Variants in TYR observed in about 807,000 individuals in gnomAD.
TYR encodes the protein tyrosinase.
Under a neutral mutation model 51.5 loss-of-function variants are expected in TYR, and 58 were observed. That is an observed-to-expected ratio of 1.13 (90% CI 0.91 to 1.40). TYR has a LOEUF of 1.40. Ranked by LOEUF, TYR falls within the 40% of genes most tolerant of loss-of-function variation. The pLI is 0.00. For synonymous variants in TYR, 263 were observed against 235.2 expected (o/e 1.12, Z -1.08); for missense variants, 732 against 647.4 (o/e 1.13, Z -1.42).
intron 1 of TYR, among the ~76,000 whole-genome samples, chr11:89,180,238 T>C (rs954972043): frequency 6.6e-6 from 1 of 152,318 alleles, no homozygotes; most frequent in South Asian, 2.1e-4. Context: ...CTAGCTCTTA[T>C]ATCCTCTGTT....
At chr11:89,200,836 T>C (rs1231920714) in intron 2 of TYR, among the ~76,000 whole-genome samples, 1 of 152,136 alleles carries the variant, frequency 6.6e-6, no homozygotes, top group Non-Finnish European at 1.5e-5. Context: ...TTCAGATAAT[T>C]GTAGATCCTT....
intron 4 of TYR, among the ~76,000 whole-genome samples, chr11:89,285,470 TTAA>T (rs1944773885): frequency 6.6e-6 from 1 of 151,760 alleles, no homozygotes; most frequent in Non-Finnish European, 1.5e-5. Context: ...TTAAGTGTAG[TTAA>T]TAATAATAGC....
chr11:89,272,767 C>G (rs1252983362), intron 3 of TYR, among the ~76,000 whole-genome samples: 1 of 151,910 alleles, frequency 6.6e-6, no homozygotes, highest in Non-Finnish European at 1.5e-5. Context: ...TTAACAAGAT[C>G]TTCTGGTTAA....
At chr11:89,249,621 G>A (rs1944308299) in intron 3 of TYR, among the ~76,000 whole-genome samples, 2 of 152,070 alleles carry the variant, frequency 1.3e-5, no homozygotes, top group African/African-American at 4.8e-5. Context: ...TGGAAGCTTC[G>A]GGAGCCAGAC....
intron 3 of TYR, among the ~76,000 whole-genome samples, chr11:89,259,470 A>G (rs1164995255): frequency 6.6e-6 from 1 of 152,138 alleles, no homozygotes; most frequent in Non-Finnish European, 1.5e-5. Flanking sequence ...TCTGAACAAT[A>G]GATCTTACGC....
chr11:89,179,552 CAA>C (rs56159338), intron 1 of TYR, among the ~76,000 whole-genome samples: 7 of 149,566 alleles, frequency 4.7e-5, no homozygotes, highest in Non-Finnish European at 8.9e-5. Flanking sequence ...TAATAAGCAG[CAA>C]AAAAAAAATC....
rs188939133 is a variant in TYR, at chr11:89,233,421, C to T, written c.1184+5451C>T. On this transcript the variant is annotated intron_variant, in intron 3 of 4. Coordinates refer to ENST00000263321, the MANE Select transcript of TYR (RefSeq NM_000372.5). ...TCAACTTCTTCCATACTCCTATTAA[C>T]GTTAATATTTTGTTCTCCTTCCATG... 5.8e-5 allele frequency among the ~76,000 whole-genome samples: 8 copies of T among 138,930 alleles called. 1 individual carries two copies. The highest frequency in any genetic ancestry group is 7.6e-5 in the Non-Finnish European group (5 of 65,546). The allele number at this position is 138,930 out of a possible 152,430, so 91.1% of individuals were successfully genotyped here. A position where few individuals can be genotyped will look rare whatever the true frequency, so the allele number is the denominator to read the frequency against.
intron 2 of TYR, among the ~76,000 whole-genome samples, chr11:89,208,566 C>G (rs995227374): frequency 6.6e-6 from 1 of 152,124 alleles, no homozygotes; most frequent in African/African-American, 2.4e-5. Context: ...GCTATTATCA[C>G]TTTGTTTTCT....
chr11:89,279,991 A>G (rs557079069), intron 3 of TYR, among the ~76,000 whole-genome samples: 1 of 151,670 alleles, frequency 6.6e-6, no homozygotes, highest in Non-Finnish European at 1.5e-5. Flanking sequence ...ATATCTGTAC[A>G]GACTCCTCTA....
intron 2 of TYR, among the ~76,000 whole-genome samples, chr11:89,194,502 C>G (rs1428742284): frequency 7.5e-6 from 1 of 133,238 alleles, no homozygotes; most frequent in East Asian, 2.3e-4. Flanking sequence ...CATTTTAAGA[C>G]TATGCAAATA....
At chr11:89,212,561 C>T (rs902454466) in intron 2 of TYR, among the ~76,000 whole-genome samples, 3 of 146,320 alleles carry the variant, frequency 2.1e-5, no homozygotes, top group African/African-American at 7.9e-5. Context: ...AATAGAAAAA[C>T]AGGGAATCCT....
At chr11:89,182,764 C>T (rs1310341443) in intron 1 of TYR, among the ~76,000 whole-genome samples, 2 of 151,966 alleles carry the variant, frequency 1.3e-5, no homozygotes, top group East Asian at 1.9e-4. Flanking sequence ...GTACAAACTA[C>T]CCATGCTCAA....
At chr11:89,190,489 AT>A (rs1943428407) in intron 1 of TYR, among the ~76,000 whole-genome samples, 1 of 152,164 alleles carries the variant, frequency 6.6e-6, no homozygotes, top group Admixed American at 6.6e-5. Context: ...TATAATAAAT[AT>A]TTCCTACAGT....
At chr11:89,230,046 A>G (rs1033323558) in intron 3 of TYR, among the ~76,000 whole-genome samples, 2 of 152,132 alleles carry the variant, frequency 1.3e-5, no homozygotes, top group Non-Finnish European at 2.9e-5. Context: ...ACAGTCTTCA[A>G]ATTCATACGG....
rs375971364 is a variant in TYR at position 89,191,222 on chromosome 11, G to A, written c.840G>A (p.Glu280=). The A allele has an allele frequency of 6.2e-7, 1 of 1,613,478 alleles. No individual in the cohort carries two copies. The highest frequency in any genetic ancestry group is 1.1e-5 in the South Asian group (1 of 91,074). ...SSWQIVCSRL[E]EYNSHQSLCN... ...TACAGATTGTCTGTAGCCGATTGGA[G>A]GAGTACAACAGCCATCAGTCTTTAT... Residue 280 remains glutamate (E), a synonymous_variant, in exon 2 of 5, where the codon GAG becomes GAA. Coordinates refer to ENST00000263321, the MANE Select transcript of TYR (RefSeq NM_000372.5).
intron 3 of TYR, among the ~76,000 whole-genome samples, chr11:89,241,747 T>G (rs547197484): frequency 4.1e-5 from 6 of 147,894 alleles, no homozygotes; most frequent in Non-Finnish European, 8.9e-5. Context: ...TTTAATATAT[T>G]AATATATTTT....
At chr11:89,257,289 A>T (rs1030547674) in intron 3 of TYR, among the ~76,000 whole-genome samples, 4 of 152,112 alleles carry the variant, frequency 2.6e-5, no homozygotes, top group Admixed American at 2.6e-4. Flanking sequence ...AGGCATTGAT[A>T]CACATTTACC....
chr11:89,293,257 A>C (rs1944868924), intron 4 of TYR, among the ~76,000 whole-genome samples: 1 of 152,052 alleles, frequency 6.6e-6, no homozygotes, highest in Non-Finnish European at 1.5e-5. Context: ...CATCTCAAAA[A>C]CATGGGCTTA....
intron 3 of TYR, among the ~76,000 whole-genome samples, chr11:89,240,627 TA>T (rs1246402993): frequency 6.6e-6 from 1 of 152,150 alleles, no homozygotes; most frequent in East Asian, 1.9e-4. Context: ...TTCATGGCTT[TA>T]AGGTCATGAA....
Sources: gnomAD v4.1 joint callset for allele counts (sites outside exome capture counted in the v4.1 genomes callset) on GRCh38, gnomAD v4.1.1 for gene constraint, MANE v1.5 for transcripts, NCBI Gene and HGNC (gene_info 2026-07-23, HGNC 2026-07-21) for gene names.